Variants in ARAP2 observed in about 807,000 individuals in gnomAD.
ARAP2 encodes the protein arf-GAP with Rho-GAP domain, ANK repeat and PH domain-containing protein 2.
A neutral mutation model predicts 194.5 loss-of-function variants in ARAP2; 148 were observed. That is an observed-to-expected ratio of 0.76 (90% CI 0.67 to 0.87). The LOEUF is 0.87. Ranked by LOEUF, ARAP2 falls within the 40% of genes least tolerant of loss-of-function variation. The pLI is 0.00. For synonymous variants in ARAP2, 695 were observed against 683.5 expected (o/e 1.02, Z -0.26); for missense variants, 2,128 against 1,989.7 (o/e 1.07, Z -1.32).
intron 8 of ARAP2, among the ~76,000 whole-genome samples, chr4:36,185,828 A>C (rs762453766): frequency 6.6e-6 from 1 of 151,378 alleles, no homozygotes; most frequent in Non-Finnish European, 1.5e-5. Flanking sequence ...ACAAAAAAAA[A>C]TTAGCTGGGC....
At chr4:36,172,930 C>T (rs1736978155) in intron 9 of ARAP2, among the ~76,000 whole-genome samples, 1 of 152,136 alleles carries the variant, frequency 6.6e-6, no homozygotes, top group South Asian at 2.1e-4. Context: ...CAACCCATCG[C>T]CCTATGAGGT....
chr4:36,139,302 C>A (rs1251012966), intron 19 of ARAP2, among the ~76,000 whole-genome samples: 1 of 151,460 alleles, frequency 6.6e-6, no homozygotes. Context: ...GTGTTAAATT[C>A]ATTGGTATGA....
At chr4:36,040,010 T>C (rs1318152443) in intron 5 of ARAP2, among the ~76,000 whole-genome samples, 1 of 152,166 alleles carries the variant, frequency 6.6e-6, no homozygotes, top group Non-Finnish European at 1.5e-5. Context: ...GAAGAAGTTG[T>C]AGACTCATAG....
chr4:36,104,461 G>A (rs757151250), intron 27 of ARAP2, among the ~76,000 whole-genome samples: 23 of 152,006 alleles, frequency 1.5e-4, no homozygotes, highest in Middle Eastern at 3.4e-3. Context: ...GTAGGTAGTC[G>A]TTGTGATTGA....
chr4:36,082,159 G>A (rs181846725), intron 30 of ARAP2, 92 bp downstream of exon 30: 89 of 1,200,416 alleles, frequency 7.4e-5, no homozygotes, highest in East Asian at 3.9e-4. Context: ...AACACTTTCC[G>A]TCTGTAGTTC....
At chr4:36,097,730 A>G (rs1715687225) in intron 27 of ARAP2, among the ~76,000 whole-genome samples, 1 of 152,106 alleles carries the variant, frequency 6.6e-6, no homozygotes, top group African/African-American at 2.4e-5. Flanking sequence ...AACAGGTACT[A>G]TTTCATTTAC....
At chr4:36,230,277 T>C (rs977074909) in intron 1 of ARAP2, among the ~76,000 whole-genome samples, 4 of 152,252 alleles carry the variant, frequency 2.6e-5, no homozygotes, top group African/African-American at 9.6e-5. Flanking sequence ...GAATGTTCTT[T>C]TGACTTTCAA....
chr4:36,119,427 A>T (rs1722152360), intron 24 of ARAP2, among the ~76,000 whole-genome samples: 1 of 151,522 alleles, frequency 6.6e-6, no homozygotes, highest in Admixed American at 6.6e-5. Flanking sequence ...AAACCTTGAA[A>T]GGTAAATTAA....
intron 6 of ARAP2, among the ~76,000 whole-genome samples, chr4:36,201,991 T>C (rs1426032240): frequency 6.6e-6 from 1 of 152,146 alleles, no homozygotes; most frequent in East Asian, 1.9e-4. Flanking sequence ...TTTAAGGCAA[T>C]GAAAAACATA....
At chr4:36,065,072 T>G (rs114872154), downstream of ARAP2, 529 of 197,686 alleles carry the variant, frequency 2.7e-3, 2 homozygotes, top group African/African-American at 0.012. Flanking sequence ...AAGAGAGCCT[T>G]CAGAGTTGAG....
chr4:36,209,883 T>C (rs562419642), intron 6 of ARAP2, among the ~76,000 whole-genome samples: 1 of 152,302 alleles, frequency 6.6e-6, no homozygotes, highest in African/African-American at 2.4e-5. Flanking sequence ...CACGGGACTC[T>C]GACCTTCTGT....
chr4:36,163,544 T>G (rs1385519253), intron 11 of ARAP2, among the ~76,000 whole-genome samples: 1 of 152,042 alleles, frequency 6.6e-6, no homozygotes, highest in Non-Finnish European at 1.5e-5. Flanking sequence ...AAAAAACCTA[T>G]GCACACTACA....
intron 7 of ARAP2, among the ~76,000 whole-genome samples, chr4:36,188,077 A>T (rs1397630587): frequency 6.6e-6 from 1 of 152,234 alleles, no homozygotes; most frequent in Non-Finnish European, 1.5e-5. Flanking sequence ...CTCAAACTGT[A>T]TCATTTTAAT....
chr4:36,244,587 C>G (rs1403435978), upstream of ARAP2: 1 of 151,042 alleles, frequency 6.6e-6, no homozygotes, highest in Non-Finnish European at 1.5e-5. Flanking sequence ...GCGGCCCAGC[C>G]GGCCTCCCTG....
At chr4:36,150,393 C>T (rs1730675690) in intron 16 of ARAP2, among the ~76,000 whole-genome samples, 1 of 152,082 alleles carries the variant, frequency 6.6e-6, no homozygotes, top group South Asian at 2.1e-4. Context: ...CGCCTGTAAT[C>T]CCAGCACTTT....
At chr4:36,048,199 C>G (rs144728477) in intron 3 of ARAP2, among the ~76,000 whole-genome samples, 1 of 152,012 alleles carries the variant, frequency 6.6e-6, no homozygotes, top group Non-Finnish European at 1.5e-5. Context: ...GGTTTATTTC[C>G]GAACTCTTTA....
chr4:36,106,198 T>A (rs1282971696), intron 27 of ARAP2, among the ~76,000 whole-genome samples: 1 of 151,850 alleles, frequency 6.6e-6, no homozygotes, highest in Non-Finnish European at 1.5e-5. Context: ...AGCCACTACT[T>A]TATGACATGT....
chr4:36,075,564 C>T (rs779533897), intron 31 of ARAP2, among the ~76,000 whole-genome samples: 2 of 152,026 alleles, frequency 1.3e-5, no homozygotes, highest in Non-Finnish European at 2.9e-5. Flanking sequence ...ATTCTTTTCA[C>T]TCCTTGAGAC....
At chr4:36,023,900 A>C (rs1003492822) in intron 5 of ARAP2, among the ~76,000 whole-genome samples, 1 of 152,166 alleles carries the variant, frequency 6.6e-6, no homozygotes, top group Non-Finnish European at 1.5e-5. Flanking sequence ...ATTTTAAAAA[A>C]TGACGTTTGT....
Sources: allele counts gnomAD v4.1 joint callset (sites outside exome capture counted in the v4.1 genomes callset), GRCh38; gene constraint gnomAD v4.1.1; transcripts MANE v1.5; gene names NCBI Gene and HGNC (gene_info 2026-07-23, HGNC 2026-07-21).